Variants in FBXL20 observed in about 807,000 individuals in gnomAD.
FBXL20 encodes F-box and leucine rich repeat protein 20.
FBXL20 carries 11 observed loss-of-function variants against 64.0 expected under a neutral mutation model. The observed-to-expected ratio is 0.17, with a 90% CI of 0.11 to 0.28. FBXL20 has a LOEUF of 0.28. Ranked by LOEUF, FBXL20 falls within the 10% of genes least tolerant of loss-of-function variation. The pLI is 1.00. For synonymous variants in FBXL20, 184 were observed against 189.0 expected (o/e 0.97, Z 0.22); for missense variants, 303 against 526.2 (o/e 0.58, Z 4.15).
At chr17:39,297,361 A>C (rs887848587) in intron 5 of FBXL20, 166 bp from the exon 6 acceptor site, 2 of 434,072 alleles carry the variant, frequency 4.6e-6, no homozygotes, top group African/African-American at 4.0e-5. Context: ...TTCTTGGCAT[A>C]CCATCCCTAA....
chr17:39,288,209 C>T (rs990652062), intron 6 of FBXL20, among the ~76,000 whole-genome samples: 8 of 151,978 alleles, frequency 5.3e-5, no homozygotes, highest in Admixed American at 3.9e-4. Flanking sequence ...TCAAACGATC[C>T]GCCCACCTTG....
chr17:39,396,010 GTT>G (rs71353578), intron 1 of FBXL20, among the ~76,000 whole-genome samples: 333 of 128,854 alleles, frequency 2.6e-3, no homozygotes, highest in African/African-American at 4.6e-3. Context: ...GTTTTGTGGG[GTT>G]TTTTTTTTTT....
intron 1 of FBXL20, among the ~76,000 whole-genome samples, chr17:39,394,316 T>C (rs966040498): frequency 2.0e-5 from 3 of 149,264 alleles, no homozygotes; most frequent in African/African-American, 7.4e-5. Context: ...TCTCGCTCTC[T>C]CGCCCAGGCT....
rs112162952 is a variant in FBXL20, at chr17:39,392,870, G to A, written c.42+8491C>T. ...TCTACAAAAAAATGTAAAATTTGCC[G>A]GGGGTAGTGGTGCATGCCTGTAATC... is the stretch of plus-strand genomic sequence containing the variant. On this transcript the variant is annotated intron_variant, in intron 1 of 14. Transcript: ENST00000264658. Among the ~76,000 whole-genome samples the A allele has an allele frequency of 2.4e-4, 37 of 151,574 alleles. 1 individual carries two copies. The highest frequency in any genetic ancestry group is 3.4e-3 in the Middle Eastern group (1 of 294).
chr17:39,337,398 C>T (rs553032169), intron 2 of FBXL20, among the ~76,000 whole-genome samples: 3,061 of 152,264 alleles, frequency 0.02, 52 homozygotes, highest in Non-Finnish European at 0.032. Flanking sequence ...AGCCTCTGCC[C>T]GGCCGCCACC....
intron 1 of FBXL20, among the ~76,000 whole-genome samples, chr17:39,368,606 G>A (rs889517478): frequency 1.3e-5 from 2 of 152,108 alleles, no homozygotes; most frequent in African/African-American, 2.4e-5. Context: ...AACAAAGGGT[G>A]TAGTTTCCTC....
At chr17:39,292,732 G>A (rs568564258) in intron 6 of FBXL20, among the ~76,000 whole-genome samples, 1 of 151,190 alleles carries the variant, frequency 6.6e-6, no homozygotes, top group South Asian at 2.1e-4. Flanking sequence ...TATTTCTATT[G>A]ACTGGCTTTT....
intron 1 of FBXL20, among the ~76,000 whole-genome samples, chr17:39,345,334 C>T (rs1442058293): frequency 6.6e-6 from 1 of 152,094 alleles, no homozygotes; most frequent in Non-Finnish European, 1.5e-5. Flanking sequence ...ACAACTAATT[C>T]TACCCGGAGT....
At chr17:39,340,416 G>A (rs1179251332) in intron 2 of FBXL20, among the ~76,000 whole-genome samples, 1 of 152,062 alleles carries the variant, frequency 6.6e-6, no homozygotes, top group East Asian at 1.9e-4. Flanking sequence ...TTTTAGTAGA[G>A]ACGAGGTTTC....
intron 13 of FBXL20, among the ~76,000 whole-genome samples, chr17:39,264,825 G>C (rs1267707478): frequency 6.6e-6 from 1 of 152,116 alleles, no homozygotes; most frequent in Non-Finnish European, 1.5e-5. Context: ...TGTCAGGTGT[G>C]ATCATCTCAT....
intron 1 of FBXL20, among the ~76,000 whole-genome samples, chr17:39,350,660 G>T (rs747460606): frequency 2.0e-5 from 3 of 152,146 alleles, no homozygotes; most frequent in Non-Finnish European, 1.5e-5. Context: ...GCCATTATGT[G>T]TAAGACATCT....
chr17:39,255,922 C>G lies in FBXL20; in HGVS notation c.*5538G>C, dbSNP rs1255236706. On this transcript the variant is annotated 3_prime_UTR_variant, in exon 15 of 15. Coordinates refer to ENST00000264658, the MANE Select transcript of FBXL20 (RefSeq NM_032875.3). The stretch of plus-strand genomic sequence containing the variant: ...AGAATCAAAATGTCAAGTTAGGGCA[C>G]TCGGATACAACCCAATTTTATTCCT... 2 of 152,120 alleles carry G rather than the reference C, an allele frequency of 1.3e-5. No individual in the cohort carries two copies. Among genetic ancestry groups the G allele is most frequent in the African/African-American group, 4.8e-5 (2 of 41,418 alleles). 9.4% of individuals were successfully genotyped at this position (152,120 alleles called of 1,614,324 possible).
intron 1 of FBXL20, among the ~76,000 whole-genome samples, chr17:39,366,955 C>T (rs915618461): frequency 5.3e-5 from 8 of 150,958 alleles, no homozygotes; most frequent in African/African-American, 1.7e-4. Context: ...ACAATCTCGA[C>T]TCACTGCAAG....
chr17:39,265,591 A>C, intron 12 of FBXL20, 138 bp from the exon 13 acceptor site: 2 of 521,686 alleles, frequency 3.8e-6, no homozygotes, highest in Non-Finnish European at 6.6e-6. Flanking sequence ...ACTGCAGCCT[A>C]AAACTTCTGG....
rs1272770801 is a variant in FBXL20, at chr17:39,317,691, TTTTTTTTTTG to T, written c.105-14062_105-14053del. 1.9e-3 allele frequency among the ~76,000 whole-genome samples: 123 copies of T among 63,346 alleles called. 2 individuals carry two copies. Among genetic ancestry groups the T allele is most frequent in the African/African-American group, 0.018 (98 of 5,518 alleles). 41.6% of individuals were successfully genotyped at this position (63,346 alleles called of 152,430 possible). Reference sequence around the variant, plus strand: ...AGTTTGACTTTGTTTTTTTTTTTGTTTTTTTTTTTGTTTTTTTTTTTTTTTTTTGAGACGG... The same window carrying T: ...AGTTTGACTTTGTTTTTTTTTTTGTTTTTTTTTTTTTTTTTTTTGAGACGG... On this transcript the variant is annotated intron_variant, in intron 2 of 14. Transcript: ENST00000264658.
intron 1 of FBXL20, among the ~76,000 whole-genome samples, chr17:39,391,290 A>G (rs2048131322): frequency 6.6e-6 from 1 of 151,676 alleles, no homozygotes; most frequent in Admixed American, 6.6e-5. Context: ...AAAAAAAGAA[A>G]CAAGCAGGAA....
intron 2 of FBXL20, among the ~76,000 whole-genome samples, chr17:39,318,871 G>A (rs2047321891): frequency 6.6e-6 from 1 of 152,160 alleles, no homozygotes. Flanking sequence ...CAAAATGTAA[G>A]CGGAAATCTC....
chr17:39,299,181 T>A, intron 4 of FBXL20, 97 bp from the exon 5 acceptor site: 1 of 876,048 alleles, frequency 1.1e-6, no homozygotes, highest in East Asian at 2.6e-5. Flanking sequence ...AAAGAGAAAA[T>A]GCTTCTATTA....
At chr17:39,345,634 G>C (rs866678344) in intron 1 of FBXL20, among the ~76,000 whole-genome samples, 11 of 151,956 alleles carry the variant, frequency 7.2e-5, no homozygotes, top group African/African-American at 1.5e-4. Flanking sequence ...TCCACCTCCC[G>C]GGTTCAAGCG....
Sources: gnomAD v4.1 joint callset for allele counts (sites outside exome capture counted in the v4.1 genomes callset) on GRCh38, gnomAD v4.1.1 for gene constraint, MANE v1.5 for transcripts, NCBI Gene and HGNC (gene_info 2026-07-23, HGNC 2026-07-21) for gene names.